The following RORC variants were observed in gnomAD, a reference collection of about 807,000 sequenced individuals.
RORC encodes nuclear receptor ROR-gamma.
RORC carries 13 observed loss-of-function variants against 64.5 expected under a neutral mutation model. The observed-to-expected ratio is 0.20, with a 90% CI of 0.13 to 0.32. The LOEUF is 0.32. RORC is among the 10% of genes least tolerant of loss of function. The pLI, the probability that RORC is intolerant of heterozygous loss-of-function variation, is 1.00. For missense variants in RORC, 468 were observed against 669.5 expected (o/e 0.70, Z 3.32); for synonymous variants, 277 against 259.3 (o/e 1.07, Z -0.65).
At position 151,807,548 on chromosome 1, in the gene RORC, A is replaced by T; in HGVS notation, c.1481T>A (p.Val494Asp). ...GTAGAGTGGAGGGAAAGCGGCTTGGACCACGATGGGGTGGAGGTGCTGGAA... is the reference window on the plus strand; with the variant it reads ...GTAGAGTGGAGGGAAAGCGGCTTGGTCCACGATGGGGTGGAGGTGCTGGAA... ...QIFQHLHPIV[V>D]QAAFPPLYKE... is the part of the protein sequence containing the mutation. The change falls in exon 11 of 11, where the codon GTC becomes GAC. Residue 494 changes from valine (V) to aspartate (D), a missense_variant. Val to Asp is a radical substitution (Grantham distance 152). Transcript: ENST00000318247. This position sits in a 1 kb window ranked among gnomAD's most constrained non-coding sequence, Gnocchi z 5.0. 6.2e-7 allele frequency: 1 copy of T among 1,613,786 alleles called. No individual in the cohort carries two copies. The highest frequency in any genetic ancestry group is 8.5e-7 in the Non-Finnish European group (1 of 1,179,920).
At position 151,830,548 on chromosome 1, in the gene RORC, C is replaced by T. The variant is rs925080733; in HGVS notation, c.41-1090G>A. Among the ~76,000 whole-genome samples the T allele has an allele frequency of 2.0e-5, 3 of 151,750 alleles. No homozygotes were observed. The highest frequency in any genetic ancestry group is 3.9e-4 in the East Asian group (2 of 5,166). ...AGCCCTTCAACCATGCCCTATACCC[C>T]CTATAGCTTCCCTAACCTCTGACTC... is the stretch of plus-strand genomic sequence containing the variant. On this transcript the variant is annotated intron_variant, in intron 1 of 10. Transcript: ENST00000318247. This position sits in a 1 kb window ranked among gnomAD's most constrained non-coding sequence, Gnocchi z 4.0.
intron 2 of RORC, among the ~76,000 whole-genome samples, chr1:151,824,813 C>T (rs920088093): frequency 3.9e-5 from 6 of 152,180 alleles, no homozygotes; most frequent in African/African-American, 1.4e-4. Context: ...TAGACCAGGG[C>T]CCAGTGACTT....
intron 6 of RORC, 107 bp downstream of exon 6, chr1:151,814,467 G>A: frequency 8.1e-7 from 1 of 1,235,884 alleles, no homozygotes; most frequent in East Asian, 2.5e-5. Flanking sequence ...GCCTGTGTCT[G>A]TGATGTCCCG....
rs771257039 is a variant in RORC at position 151,814,713 on chromosome 1, A to G, written c.812-18T>C. 1.9e-6 allele frequency: 3 copies of G among 1,599,510 alleles called. No homozygotes were observed. The highest frequency in any genetic ancestry group is 2.6e-6 in the Non-Finnish European group (3 of 1,169,172). Reference sequence around the variant, plus strand: ...CAGGTGCTCTGGGGCCGGAGAAGGAAGGCATGGCTTGATCTCAGCCAGCTC... The same window carrying G: ...CAGGTGCTCTGGGGCCGGAGAAGGAGGGCATGGCTTGATCTCAGCCAGCTC... On this transcript the variant is annotated intron_variant, in intron 5 of 10. Transcript: ENST00000318247.
chr1:151,815,456 G>A, intron 4 of RORC, 31 bp from the exon 5 acceptor site: 1 of 1,513,702 alleles, frequency 6.6e-7, no homozygotes, highest in Non-Finnish European at 8.8e-7. Flanking sequence ...AGGGGTTTAT[G>A]AGGCAGGAGA....
intron 2 of RORC, among the ~76,000 whole-genome samples, chr1:151,825,381 G>C (rs1301363936): frequency 6.6e-6 from 1 of 152,158 alleles, no homozygotes; most frequent in Non-Finnish European, 1.5e-5. Flanking sequence ...CAGAAAGCCT[G>C]GTGGCTTTGA....
chr1:151,818,453 T>C (rs1465113651), intron 2 of RORC, among the ~76,000 whole-genome samples: 1 of 152,330 alleles, frequency 6.6e-6, no homozygotes, highest in South Asian at 2.1e-4. Flanking sequence ...CTGCTGGCCC[T>C]AAGCTCATCT....
At position 151,807,541 on chromosome 1, in the gene RORC, G is replaced by T. The variant is rs781238253; in HGVS notation, c.1488C>A (p.Ala496=). ...GCTCCTTGTAGAGTGGAGGGAAAGC[G>T]GCTTGGACCACGATGGGGTGGAGGT... ...FQHLHPIVVQ[A]AFPPLYKELF... The change falls in exon 11 of 11, where the codon GCC becomes GCA. Residue 496 remains alanine (A), a synonymous_variant. Transcript: ENST00000318247. This position sits in a 1 kb window ranked among gnomAD's most constrained non-coding sequence, Gnocchi z 5.0. 10 of 1,614,164 alleles carry T rather than the reference G, an allele frequency of 6.2e-6. No homozygotes were observed. The highest frequency in any genetic ancestry group is 7.6e-6 in the Non-Finnish European group (9 of 1,179,974).
intron 1 of RORC, chr1:151,831,060 T>G (rs1356108777): frequency 3.1e-6 from 4 of 1,289,224 alleles, no homozygotes; most frequent in Non-Finnish European, 4.0e-6. Context: ...GTTCCTGACT[T>G]GGACCATGGG....
intron 6 of RORC, chr1:151,814,349 A>G: frequency 2.0e-6 from 1 of 493,856 alleles, no homozygotes; most frequent in Non-Finnish European, 3.6e-6. Context: ...GCCAGGTACA[A>G]TTTTAATAGG....
chr1:151,831,340 A>G (rs947954823), intron 1 of RORC, among the ~76,000 whole-genome samples: 6 of 152,116 alleles, frequency 3.9e-5, no homozygotes, highest in African/African-American at 1.4e-4. Flanking sequence ...GGCCAGATCA[A>G]GGAAGCAGTG....
At chr1:151,811,162 A>G (rs1174522318) in intron 10 of RORC, among the ~76,000 whole-genome samples, 163 bp downstream of exon 10, 1 of 152,154 alleles carries the variant, frequency 6.6e-6, no homozygotes, top group East Asian at 1.9e-4. Context: ...ACGTGGAAGT[A>G]GCTGTTCATT....
At chr1:151,822,592 G>T (rs1652034682) in intron 2 of RORC, among the ~76,000 whole-genome samples, 1 of 152,218 alleles carries the variant, frequency 6.6e-6, no homozygotes, top group Admixed American at 6.5e-5. Flanking sequence ...GTGAATGGGG[G>T]AGGGGATGAA....
intron 9 of RORC, chr1:151,811,796 G>C (rs990483438): frequency 5.0e-5 from 8 of 159,658 alleles, no homozygotes; most frequent in African/African-American, 1.9e-4. Context: ...GCTCCTGATA[G>C]GAGGTGGCCT....
intron 1 of RORC, 106 bp from the exon 2 acceptor site, chr1:151,829,564 C>T (rs1458493269): frequency 5.4e-6 from 6 of 1,119,748 alleles, no homozygotes; most frequent in Non-Finnish European, 7.3e-6. Flanking sequence ...TCCCTCAGAG[C>T]CTGGCGTCTG....
rs937778406 is a variant in RORC, at chr1:151,811,248, AC to A, written c.1395+76del. ...CGCACTCCCTCCTCTGTACCCACAG[AC>A]CCCGGCCCTCGCAAACTCTGATGTT... On this transcript the variant is annotated intron_variant, in intron 10 of 10. Transcript: ENST00000318247. The A allele has an allele frequency of 7.1e-5, 63 of 890,216 alleles. No homozygotes were observed. In the Middle Eastern group the frequency reaches 1.6e-3, roughly 22 times the overall value. The allele number at this position is 890,216 out of a possible 1,614,324, so 55.1% of individuals were successfully genotyped here. A position where few individuals can be genotyped will look rare whatever the true frequency, so the allele number is the denominator to read the frequency against.
At chr1:151,811,465 C>G (rs760348811) in intron 9 of RORC, 31 bp from the exon 10 acceptor site, 1 of 1,355,114 alleles carries the variant, frequency 7.4e-7, no homozygotes, top group African/African-American at 1.4e-5. Flanking sequence ...GTAATGAGAA[C>G]AAGAAAGAAC....
chr1:151,828,048 C>T (rs900917566), intron 2 of RORC, among the ~76,000 whole-genome samples: 15 of 151,886 alleles, frequency 9.9e-5, no homozygotes, highest in African/African-American at 2.2e-4. Context: ...TAGGGGCAGG[C>T]GAGACACTGA....
At position 151,813,077 on chromosome 1, in the gene RORC, A is replaced by G; in HGVS notation, c.1175-20T>C. 1 of 1,586,238 alleles carries G rather than the reference A, an allele frequency of 6.3e-7. No homozygotes were observed. Among genetic ancestry groups the G allele is most frequent in the Non-Finnish European group, 8.7e-7 (1 of 1,154,710 alleles). ...TGCAGCCTGATGGAGTGGAAATGAG[A>G]AAAGTGAGAGAGTGGCTGGAGCGAT... On this transcript the variant is annotated intron_variant, in intron 8 of 10. Transcript: ENST00000318247.
Sources: gnomAD v4.1 joint callset for allele counts (sites outside exome capture counted in the v4.1 genomes callset) on GRCh38, gnomAD v4.1.1 for gene constraint, Gnocchi (gnomAD v3.1) non-coding constraint, MANE v1.5 for transcripts, NCBI Gene and HGNC (gene_info 2026-07-23, HGNC 2026-07-21) for gene names.